Variants in SAMD11 observed in about 807,000 individuals in gnomAD.
The protein encoded by SAMD11 is sterile alpha motif domain-containing protein 11.
A neutral mutation model predicts 64.4 loss-of-function variants in SAMD11; 77 were observed. The observed-to-expected ratio is 1.20, with a 90% CI of 0.99 to 1.44. SAMD11 has a LOEUF of 1.44. Ranked by LOEUF, SAMD11 falls within the 40% of genes most tolerant of loss-of-function variation. The pLI is 0.00. For missense variants in SAMD11, 1,402 were observed against 943.3 expected, an observed-to-expected ratio of 1.49 and a Z score of -6.37; for synonymous variants, 658 against 421.9, an observed-to-expected ratio of 1.56 and a Z score of -6.86.
At chr1:926,668 G>C (rs893697186) in intron 2 of SAMD11, among the ~76,000 whole-genome samples, 1 of 152,128 alleles carries the variant, frequency 6.6e-6, no homozygotes, top group African/African-American at 2.4e-5. Flanking sequence ...GGAGAGACGG[G>C]GATGCTGGGA....
At chr1:933,635 C>G (rs1401019291) in intron 4 of SAMD11, among the ~76,000 whole-genome samples, 2 of 152,186 alleles carry the variant, frequency 1.3e-5, no homozygotes, top group Non-Finnish European at 2.9e-5. Context: ...GGCCAGCAGT[C>G]CTCTCCTGAC....
intron 7 of SAMD11, among the ~76,000 whole-genome samples, chr1:939,897 G>A (rs1347926048): frequency 6.6e-6 from 1 of 152,120 alleles, no homozygotes; most frequent in Non-Finnish European, 1.5e-5. Flanking sequence ...AGGTGCTGAA[G>A]AGACGCCAGC....
At chr1:942,287 G>T (rs1641824004) in intron 9 of SAMD11, 36 bp downstream of exon 9, 2 of 1,037,140 alleles carry the variant, frequency 1.9e-6, no homozygotes, top group Admixed American at 3.9e-5. Context: ...GGGAGCCCGC[G>T]TGGAGGCTCG....
intron 1 of SAMD11, among the ~76,000 whole-genome samples, chr1:925,576 C>G (rs28632468): frequency 0.022 from 3,375 of 152,206 alleles, 129 homozygotes; most frequent in African/African-American, 0.076. Flanking sequence ...CCGAGGGTCC[C>G]GACGGCGCCG....
chr1:925,365 G>C (rs1373950584), intron 1 of SAMD11, among the ~76,000 whole-genome samples: 1 of 149,040 alleles, frequency 6.7e-6, no homozygotes, highest in Non-Finnish European at 1.5e-5. Flanking sequence ...GCGCGGGGGC[G>C]CGCGCGGAGC....
chr1:943,449 G>A (rs1455273702), intron 12 of SAMD11, 72 bp downstream of exon 12: 4 of 1,334,360 alleles, frequency 3.0e-6, no homozygotes, highest in South Asian at 2.8e-5. Flanking sequence ...GGAAAGGATG[G>A]TGGGGTAGGG....
In SAMD11 at chr1:939,076, G is replaced by C. The variant is rs149677938; in HGVS notation, c.1004G>C (p.Arg335Pro). The change falls in exon 6 of 14, where the codon CGT (arginine) becomes CCT (proline). Residue 335 changes from arginine (R) to proline (P), a missense_variant. Coordinates refer to ENST00000616016, the MANE Select transcript of SAMD11 (RefSeq NM_001385641.1). ...LLGKRLGRSP[R>P]ISSDCFSEKR... ...GGCAAGAGGCTGGGCCGCTCCCCCC[G>C]TATCAGCAGCGACTGCTTTTCAGAG... 1 of 1,606,064 alleles carries C rather than the reference G, an allele frequency of 6.2e-7. No homozygotes were observed. Among genetic ancestry groups the C allele is most frequent in the South Asian group, 1.1e-5 (1 of 89,160 alleles).
chr1:925,759 C>T (rs1452611852), intron 1 of SAMD11, 163 bp from the exon 2 acceptor site: 2 of 614,200 alleles, frequency 3.3e-6, no homozygotes, highest in Non-Finnish European at 3.0e-6. Context: ...CTGCGGCGTT[C>T]GCGAGGGTGG....
chr1:925,721 G>A (rs1183365442), intron 1 of SAMD11: 1 of 535,726 alleles, frequency 1.9e-6, no homozygotes, highest in African/African-American at 1.9e-5. Context: ...GCTCCACCCG[G>A]GCTGGAGTTG....
chr1:942,426 C>T lies in SAMD11; in HGVS notation c.1491C>T (p.Pro497=), dbSNP rs1456962427. ...LCQTPGYGFL[P]PAQAEMFAWQ... is the part of the protein sequence containing the mutation. ...CCCCACCAGGCTACGGCTTCCTGCC[C>T]CCCGCGCAGGCGGAGATGTTCGCCT... Residue 497 remains proline, a synonymous_variant, in exon 10 of 14, where the codon CCC becomes CCT. Coordinates refer to ENST00000616016, the MANE Select transcript of SAMD11 (RefSeq NM_001385641.1). 2 of 1,486,340 alleles carry T rather than the reference C, an allele frequency of 1.3e-6. No homozygotes were observed. The highest frequency in any genetic ancestry group is 2.2e-5 in the Admixed American group (1 of 45,434). The allele number at this position is 1,486,340 out of a possible 1,614,324, so 92.1% of individuals were successfully genotyped here. A position where few individuals can be genotyped will look rare whatever the true frequency, so the allele number is the denominator to read the frequency against.
intron 1 of SAMD11, 158 bp from the exon 2 acceptor site, chr1:925,764 G>C: frequency 1.6e-6 from 1 of 620,686 alleles, no homozygotes; most frequent in East Asian, 2.8e-5. Context: ...GCGTTCGCGA[G>C]GGTGGGACGG....
Position 942,187 on chromosome 1 carries a change from C to A in SAMD11, c.1410C>A (p.Val470=). The change falls in exon 9 of 14, where the codon GTC becomes GTA. Residue 470 remains valine, a synonymous_variant. Coordinates refer to ENST00000616016, the MANE Select transcript of SAMD11 (RefSeq NM_001385641.1). ...TGTCGCCGCAGAATGCCCCTCACGT[C>A]GCCCTGGGCCCCCATCTCAGGCCCC... ...PLLSPQNAPH[V]ALGPHLRPPF... 1 of 1,401,216 alleles carries A rather than the reference C, an allele frequency of 7.1e-7. No homozygotes were observed. Among genetic ancestry groups the A allele is most frequent in the Non-Finnish European group, 9.3e-7 (1 of 1,075,948 alleles). 86.8% of individuals were successfully genotyped at this position (1,401,216 alleles called of 1,614,324 possible).
intron 3 of SAMD11, 55 bp from the exon 4 acceptor site, chr1:930,984 G>T (rs1641140300): frequency 6.4e-7 from 1 of 1,560,790 alleles, no homozygotes; most frequent in South Asian, 1.1e-5. Flanking sequence ...GCTATCCTGA[G>T]GCTGGGGTCA....
intron 5 of SAMD11, among the ~76,000 whole-genome samples, chr1:938,688 C>G (rs1327871321): frequency 1.3e-5 from 2 of 152,190 alleles, no homozygotes; most frequent in African/African-American, 4.8e-5. Context: ...AAGGTGGTGC[C>G]TGGTCAAACC....
intron 2 of SAMD11, 41 bp downstream of exon 2, chr1:926,054 C>A: frequency 6.3e-7 from 1 of 1,575,938 alleles, no homozygotes; most frequent in South Asian, 1.1e-5. Flanking sequence ...GTTACTCTCC[C>A]CTGCGGAGCT....
In SAMD11 at chr1:941,199, C is replaced by G. The variant is rs1353046274; in HGVS notation, c.1251C>G (p.Gly417=). The change falls in exon 8 of 14, where the codon GGC becomes GGG. Residue 417 remains glycine, a synonymous_variant. Coordinates refer to ENST00000616016, the MANE Select transcript of SAMD11 (RefSeq NM_001385641.1). ...CTGCAGCTCTGAGGGGCCCCAGTGG[C>G]CTGGAAGCCCACCTGCCCTCCTCCA... ...VAAAALRGPS[G]LEAHLPSSTA... is the part of the protein sequence containing the mutation. 1 of 1,601,472 alleles carries G rather than the reference C, an allele frequency of 6.2e-7. No individual in the cohort carries two copies.
rs1016451158 is a variant in SAMD11 at position 943,816 on chromosome 1, G to A, written c.2289+8G>A. On this transcript the variant is annotated splice_region_variant and intron_variant, in intron 13 of 13. Transcript: ENST00000616016. ...CTCAAGATCCGGGCCCAGGTGAGAC[G>A]CTGGGGAGTGAGGTCAGGGTCTCCA... The A allele has an allele frequency of 1.2e-5, 19 of 1,612,770 alleles. No individual in the cohort carries two copies. Among genetic ancestry groups the A allele is most frequent in the Non-Finnish European group, 1.4e-5 (17 of 1,179,984 alleles).
rs576651754 is a variant in SAMD11 at position 923,955 on chromosome 1, G to C, written c.-477G>C. The C allele has an allele frequency of 6.6e-6, 1 of 150,906 alleles. No homozygotes were observed. Among genetic ancestry groups the C allele is most frequent in the Non-Finnish European group, 1.5e-5 (1 of 67,536 alleles). 9.3% of individuals were successfully genotyped at this position (150,906 alleles called of 1,614,324 possible). ...GAGTCTCCCAAGTCCCCGCCGGGCG[G>C]GCGCGCGCCAGTGGACGCGGGTGCA... On this transcript the variant is annotated 5_prime_UTR_variant, in exon 1 of 14. Transcript: ENST00000616016.
chr1:941,496 G>A (rs1641764605), intron 8 of SAMD11, among the ~76,000 whole-genome samples, 190 bp downstream of exon 8: 1 of 152,040 alleles, frequency 6.6e-6, no homozygotes, highest in Non-Finnish European at 1.5e-5. Context: ...GGTGCGTGAG[G>A]GAGGCTGAGG....
Sources: gnomAD v4.1 joint callset for allele counts (sites outside exome capture counted in the v4.1 genomes callset) on GRCh38, gnomAD v4.1.1 for gene constraint, MANE v1.5 for transcripts, NCBI Gene and HGNC (gene_info 2026-07-23, HGNC 2026-07-21) for gene names.